MYOM3: variants seen among roughly 807,000 people sequenced by gnomAD.
MYOM3 encodes the protein myomesin 3, also known as myomesin-3.
In MYOM3, 155 loss-of-function variants were observed where a neutral mutation model predicts 191.7. That is an observed-to-expected ratio of 0.81 (90% CI 0.71 to 0.92). MYOM3 has a LOEUF of 0.92. Ranked by LOEUF, MYOM3 falls within the 40% of genes least tolerant of loss-of-function variation. The probability of loss-of-function intolerance (pLI) is 0.00; values close to 1 mark genes in which losing one functional copy is unlikely to be tolerated. For missense variants in MYOM3, 1,889 were observed against 1,890.6 expected (o/e 1.00, Z 0.02); for synonymous variants, 757 against 762.9 (o/e 0.99, Z 0.13).
In MYOM3 at chr1:24,098,400, G is replaced by C. The variant is rs111429074; in HGVS notation, c.657-389C>G. On this transcript the variant is annotated intron_variant, in intron 6 of 36. Coordinates refer to ENST00000374434, the MANE Select transcript of MYOM3 (RefSeq NM_152372.4). Reference sequence around the variant, plus strand: ...AGCGGGAGCCTCCTCCTTTCTCAGAGAGCAGCAGACAAACTTGGTCAAGGC... The same window carrying C: ...AGCGGGAGCCTCCTCCTTTCTCAGACAGCAGCAGACAAACTTGGTCAAGGC... Among the ~76,000 whole-genome samples the C allele has an allele frequency of 5.8e-3, 879 of 152,338 alleles. 11 individuals carry two copies. Among genetic ancestry groups the C allele is most frequent in the African/African-American group, 0.019 (791 of 41,576 alleles).
Position 24,063,516 on chromosome 1 carries a change from A to T in MYOM3, c.3637T>A (p.Phe1213Ile). The change falls in exon 31 of 37, where the codon TTC (phenylalanine) becomes ATC (isoleucine). Residue 1213 changes from phenylalanine to isoleucine, a missense_variant. By Grantham distance (21) the Phe-to-Ile change is conservative (BLOSUM62 0). Coordinates refer to ENST00000374434, the MANE Select transcript of MYOM3 (RefSeq NM_152372.4). This position sits in a 1 kb window ranked among gnomAD's most constrained non-coding sequence, Gnocchi z 4.5. Reference sequence around the variant, plus strand: ...CCACCAATCCTGCCCAACTCGGTGAAGATGGCATCCAGGGCTGGCGGGAAA... The same window carrying T: ...CCACCAATCCTGCCCAACTCGGTGATGATGGCATCCAGGGCTGGCGGGAAA... ...DLTGDALDAI[F>I]TELGRIGALS... 6.2e-7 allele frequency: 1 copy of T among 1,614,188 alleles called. No homozygotes were observed. Among genetic ancestry groups the T allele is most frequent in the Non-Finnish European group, 8.5e-7 (1 of 1,180,022 alleles).
At chr1:24,104,561 C>T (rs939537181) in intron 5 of MYOM3, among the ~76,000 whole-genome samples, 12 of 152,068 alleles carry the variant, frequency 7.9e-5, no homozygotes, top group Admixed American at 7.2e-4. Flanking sequence ...CTGCAACCTC[C>T]GCCTCCCGGG....
At chr1:24,078,846 G>A (rs1643633475) in intron 20 of MYOM3, among the ~76,000 whole-genome samples, 1 of 152,134 alleles carries the variant, frequency 6.6e-6, no homozygotes, top group Non-Finnish European at 1.5e-5. Context: ...TGCTTCAAGT[G>A]ACTTCTTTGT....
At position 24,090,738 on chromosome 1, in the gene MYOM3, C is replaced by T. The variant is rs72879634; in HGVS notation, c.1432+59G>A. 4.2e-3 allele frequency: 6,619 copies of T among 1,557,822 alleles called. 205 individuals are homozygous for T. In the African/African-American group the frequency reaches 0.075, roughly 18 times the overall value. On this transcript the variant is annotated intron_variant, in intron 12 of 36. Coordinates refer to ENST00000374434, the MANE Select transcript of MYOM3 (RefSeq NM_152372.4). ...GGGCTGGATTGTCTCCTGTGTGAGA[C>T]AGTCCTGAGGGTTCCCTGACTGATG...
intron 35 of MYOM3, among the ~76,000 whole-genome samples, chr1:24,060,234 G>C (rs1643353235): frequency 6.6e-6 from 1 of 152,108 alleles, no homozygotes; most frequent in Non-Finnish European, 1.5e-5. Flanking sequence ...CCTCCACCGA[G>C]GCGCCCCTCA....
rs566116697 is a variant in MYOM3 at position 24,081,707 on chromosome 1, C to T, written c.2281-251G>A. On this transcript the variant is annotated intron_variant, in intron 18 of 36. Transcript: ENST00000374434. Reference sequence around the variant, plus strand: ...CCTCTCGAGTAGCCAGGACTACAGGCGCGTGCCACCACACTCAGCTAATTT... The same window carrying T: ...CCTCTCGAGTAGCCAGGACTACAGGTGCGTGCCACCACACTCAGCTAATTT... 2.3e-3 allele frequency: 1,330 copies of T among 584,774 alleles called. 6 individuals are homozygous for T. The highest frequency in any genetic ancestry group is 3.1e-3 in the Non-Finnish European group (1,049 of 333,946). 36.2% of individuals were successfully genotyped at this position (584,774 alleles called of 1,614,324 possible).
chr1:24,067,255 C>T (rs143048343), intron 27 of MYOM3, among the ~76,000 whole-genome samples, 167 bp from the exon 28 acceptor site: 1 of 151,174 alleles, frequency 6.6e-6, no homozygotes, highest in African/African-American at 2.4e-5. Flanking sequence ...GTGCTCAGAG[C>T]GCAAATTTCT....
intron 19 of MYOM3, 59 bp downstream of exon 19, chr1:24,081,271 G>A (rs977485793): frequency 1.3e-6 from 2 of 1,599,402 alleles, no homozygotes; most frequent in East Asian, 2.2e-5. Context: ...CATCTCATTG[G>A]GTAGGTTTGG....
In MYOM3 at chr1:24,082,380, A is replaced by G. The variant is rs1570870119; in HGVS notation, c.2093-192T>C. 8 of 859,766 alleles carry G rather than the reference A, an allele frequency of 9.3e-6. No homozygotes were observed. In the African/African-American group the frequency reaches 1.2e-4, roughly 13 times the overall value. 53.3% of individuals were successfully genotyped at this position (859,766 alleles called of 1,614,324 possible). ...GGTTTCTGGGTCTGAGGGCTTCCCCACCCCCCAGAGCTGCTCAGGCCCCAT... is the reference window on the plus strand; with the variant it reads ...GGTTTCTGGGTCTGAGGGCTTCCCCGCCCCCCAGAGCTGCTCAGGCCCCAT... On this transcript the variant is annotated intron_variant, in intron 17 of 36. Transcript: ENST00000374434.
At chr1:24,072,137 G>A in intron 23 of MYOM3, 124 bp from the exon 24 acceptor site, 8 of 909,934 alleles carry the variant, frequency 8.8e-6, no homozygotes, top group East Asian at 7.7e-5. Context: ...CACCTCCCCC[G>A]ACCTTGGGGT....
intron 20 of MYOM3, 132 bp downstream of exon 20, chr1:24,079,884 A>T: frequency 1.1e-6 from 1 of 877,030 alleles, no homozygotes; most frequent in Non-Finnish European, 1.7e-6. Flanking sequence ...ACCCTAGGTA[A>T]ATCGCTCTTC....
At chr1:24,062,163 T>C in intron 32 of MYOM3, 54 bp from the exon 33 acceptor site, 1 of 1,597,858 alleles carries the variant, frequency 6.3e-7, no homozygotes, top group South Asian at 1.1e-5. Flanking sequence ...GGTCAACAGA[T>C]ACCCGTGCCC....
chr1:24,083,730 C>T (rs1464387583), intron 16 of MYOM3: 1 of 152,376 alleles, frequency 6.6e-6, no homozygotes, highest in Non-Finnish European at 1.5e-5. Context: ...GAGACCAAGG[C>T]ATGGTCATCT....
At chr1:24,058,887 G>A in intron 36 of MYOM3, 37 bp downstream of exon 36, 1 of 1,511,294 alleles carries the variant, frequency 6.6e-7, no homozygotes, top group Non-Finnish European at 9.1e-7. Flanking sequence ...GGAACACAGA[G>A]GGGGACTGCT....
At chr1:24,084,442 A>G in intron 16 of MYOM3, 26 bp downstream of exon 16, 1 of 1,613,394 alleles carries the variant, frequency 6.2e-7, no homozygotes, top group Non-Finnish European at 8.5e-7. Flanking sequence ...GTGTGAGAAC[A>G]GACTGATACG....
At chr1:24,069,207 T>C (rs967445218) in intron 25 of MYOM3, among the ~76,000 whole-genome samples, 8 of 152,244 alleles carry the variant, frequency 5.3e-5, no homozygotes, top group African/African-American at 1.9e-4. Flanking sequence ...GCTTTATTTG[T>C]ATGTATGATT....
rs538698014 is a variant in MYOM3 at position 24,087,816 on chromosome 1, C to T, written c.1615-989G>A. 1.3e-4 allele frequency among the ~76,000 whole-genome samples: 20 copies of T among 152,318 alleles called. No individual in the cohort carries two copies. The highest frequency in any genetic ancestry group is 4.1e-4 in the South Asian group (2 of 4,828). On this transcript the variant is annotated intron_variant, in intron 14 of 36. Transcript: ENST00000374434. The surrounding 1 kb of genome is among the most constrained non-coding windows in gnomAD (Gnocchi z 4.5). ...CATTGGCACCCCCTCCCCTGACTGC[C>T]GTGTCCCTAGGGCCAAGAACAGGAC...
At chr1:24,107,624 G>A (rs1374230033) in intron 3 of MYOM3, among the ~76,000 whole-genome samples, 5 of 152,250 alleles carry the variant, frequency 3.3e-5, no homozygotes, top group Non-Finnish European at 5.9e-5. Flanking sequence ...TCTCCACGCC[G>A]GCACACTCAG....
intron 5 of MYOM3, among the ~76,000 whole-genome samples, chr1:24,104,492 T>C (rs2148561377): frequency 6.6e-6 from 1 of 152,316 alleles, no homozygotes; most frequent in East Asian, 1.9e-4. Context: ...TTCTTTTTTT[T>C]TGAGACAGAG....
Sources: gnomAD v4.1 joint callset for allele counts (sites outside exome capture counted in the v4.1 genomes callset) on GRCh38, gnomAD v4.1.1 for gene constraint, Gnocchi (gnomAD v3.1) non-coding constraint, MANE v1.5 for transcripts, NCBI Gene and HGNC (gene_info 2026-07-23, HGNC 2026-07-21) for gene names.